The following SMAD4 variants were observed in gnomAD, a reference collection of about 807,000 sequenced individuals.
SMAD4 encodes MAD homolog 4.
Under a neutral mutation model 63.2 loss-of-function variants are expected in SMAD4, and 7 were observed. The ratio of observed to expected loss-of-function variants is 0.11; its 90% CI spans 0.06 to 0.21. The LOEUF (loss-of-function observed/expected upper bound fraction) is 0.21. Among genes scored for constraint, SMAD4 ranks in the 10% least tolerant of loss-of-function variants. The pLI, the probability that SMAD4 is intolerant of heterozygous loss-of-function variation, is 1.00. For missense variants in SMAD4, 312 were observed against 693.8 expected (o/e 0.45, Z 6.18); for synonymous variants, 215 against 235.4 (o/e 0.91, Z 0.79).
chr18:51,055,383 C>G (rs1313735807), intron 5 of SMAD4, among the ~76,000 whole-genome samples: 1 of 152,070 alleles, frequency 6.6e-6, no homozygotes, highest in Non-Finnish European at 1.5e-5. Flanking sequence ...TTTTCTGGGA[C>G]AATATTACCT....
At chr18:51,064,931 T>A (rs973615003) in intron 8 of SMAD4, among the ~76,000 whole-genome samples, 2 of 152,194 alleles carry the variant, frequency 1.3e-5, no homozygotes, top group African/African-American at 4.8e-5. Context: ...TAAAAATATG[T>A]CATGAGTCGA....
chr18:51,053,259 C>T (rs761972692), intron 4 of SMAD4: 1 of 144,214 alleles, frequency 6.9e-6, no homozygotes, highest in African/African-American at 2.9e-5. Context: ...GTCATTATAA[C>T]AACAAAAAAA....
rs1010443998 is a variant in SMAD4 at position 51,080,690 on chromosome 18, C to T, written c.*2223C>T. On this transcript the variant is annotated 3_prime_UTR_variant, in exon 12 of 12. Coordinates refer to ENST00000342988, the MANE Select transcript of SMAD4 (RefSeq NM_005359.6). ...CCTGGTAGCTAGGATTACAGGTGCC[C>T]GCCACCATGCCTGGCTAACTTTTGT... 1.4e-4 allele frequency: 25 copies of T among 174,708 alleles called. No individual in the cohort carries two copies. The highest frequency in any genetic ancestry group is 5.2e-4 in the African/African-American group (22 of 42,162). 10.8% of individuals were successfully genotyped at this position (174,708 alleles called of 1,614,324 possible). A position where few individuals can be genotyped will look rare whatever the true frequency, so the allele number is the denominator to read the frequency against.
At chr18:51,042,847 C>G (rs1468514282) in intron 1 of SMAD4, among the ~76,000 whole-genome samples, 1 of 152,102 alleles carries the variant, frequency 6.6e-6, no homozygotes, top group Non-Finnish European at 1.5e-5. Flanking sequence ...TTTCTTAGTT[C>G]AAGTTGTTTA....
chr18:51,052,936 G>A lies in SMAD4; in HGVS notation c.455-1845G>A, dbSNP rs573219902. 3.5e-4 allele frequency: 54 copies of A among 152,662 alleles called. 1 individual carries two copies. The South Asian group carries it at 0.011, about 31-fold the overall frequency. 9.5% of individuals were successfully genotyped at this position (152,662 alleles called of 1,614,324 possible). ...TTGATTCTCTTGGCAAAAATATATT[G>A]CAGACTTCTATCCTTGTTGATACCT... On this transcript the variant is annotated intron_variant, in intron 4 of 11. Transcript: ENST00000342988.
intron 10 of SMAD4, among the ~76,000 whole-genome samples, chr18:51,074,962 G>C (rs1464383410): frequency 6.6e-6 from 1 of 152,032 alleles, no homozygotes; most frequent in Non-Finnish European, 1.5e-5. Flanking sequence ...CTCCCACCTG[G>C]GCCTCCCAAA....
chr18:51,038,600 ACATAT>A (rs1909280521), intron 1 of SMAD4, among the ~76,000 whole-genome samples: 1 of 152,226 alleles, frequency 6.6e-6, no homozygotes, highest in Non-Finnish European at 1.5e-5. Flanking sequence ...AAACAAAACA[ACATAT>A]CATAGCAGAT....
intron 10 of SMAD4, among the ~76,000 whole-genome samples, chr18:51,074,238 AGGCATGGTGGCATGTGCCT>A (rs1326510476): frequency 6.6e-5 from 10 of 151,142 alleles, no homozygotes; most frequent in African/African-American, 2.4e-4. Context: ...AAAATTAGCC[AGGCATGGTGGCATGTGCCT>A]GTAGTCCTGG....
Position 51,059,851 on chromosome 18 carries a change from TTG to T in SMAD4, c.905-13_905-12del. ...TTAGTAAATAAAAATGGAATTTTTG[TTG>T]TCTTTTCTTTAGGGCCTGTTCACAA... is the stretch of plus-strand genomic sequence containing the variant. On this transcript the variant is annotated splice_polypyrimidine_tract_variant and intron_variant, in intron 7 of 11. Transcript: ENST00000342988. 1 of 1,606,066 alleles carries T rather than the reference TTG, an allele frequency of 6.2e-7. No individual in the cohort carries two copies. The highest frequency in any genetic ancestry group is 8.5e-7 in the Non-Finnish European group (1 of 1,173,596).
Position 51,079,489 on chromosome 18 carries a change from T to C in SMAD4, c.*1022T>C. The C allele has an allele frequency of 4.3e-6, 1 of 233,462 alleles. No homozygotes were observed. Among genetic ancestry groups the C allele is most frequent in the Non-Finnish European group, 8.5e-6 (1 of 117,920 alleles). 14.5% of individuals were successfully genotyped at this position (233,462 alleles called of 1,614,324 possible). A position where few individuals can be genotyped will look rare whatever the true frequency, so the allele number is the denominator to read the frequency against. On this transcript the variant is annotated 3_prime_UTR_variant, in exon 12 of 12. Coordinates refer to ENST00000342988, the MANE Select transcript of SMAD4 (RefSeq NM_005359.6). Reference sequence around the variant, plus strand: ...ACATTACAGTTCATAATAGGTAGTTTGGATATTTTTGTACTTGATTTGATG... The same window carrying C: ...ACATTACAGTTCATAATAGGTAGTTCGGATATTTTTGTACTTGATTTGATG...
rs1283790116 is a variant in SMAD4, at chr18:51,048,844, T to C, written c.408T>C (p.Val136=). 2 of 1,613,612 alleles carry C rather than the reference T, an allele frequency of 1.2e-6. No individual in the cohort carries two copies. The highest frequency in any genetic ancestry group is 2.7e-5 in the African/African-American group (2 of 74,918). ...VCVNPYHYER[V]VSPGIDLSGL... is the part of the protein sequence containing the mutation. ...TGAATCCATATCACTACGAACGAGT[T>C]GTATCACCTGGAATTGGTAAGTAGA... is the stretch of plus-strand genomic sequence containing the variant. Residue 136 remains valine, a synonymous_variant, in exon 3 of 12, where the codon GTT becomes GTC. Transcript: ENST00000342988.
chr18:51,036,258 G>A (rs1475538617), intron 1 of SMAD4, among the ~76,000 whole-genome samples: 5 of 152,134 alleles, frequency 3.3e-5, no homozygotes, highest in Non-Finnish European at 5.9e-5. Context: ...TATTTTTATA[G>A]TAAGGTATTA....
At chr18:51,049,767 T>C (rs1049757310) in intron 4 of SMAD4, among the ~76,000 whole-genome samples, 2 of 152,184 alleles carry the variant, frequency 1.3e-5, no homozygotes, top group African/African-American at 4.8e-5. Context: ...TTTTTATGAA[T>C]GATAATGTTG....
intron 1 of SMAD4, among the ~76,000 whole-genome samples, chr18:51,045,679 A>C (rs964951684): frequency 1.3e-5 from 2 of 152,220 alleles, no homozygotes; most frequent in Admixed American, 6.5e-5. Context: ...TTGAAAGTGT[A>C]CAATTCAGTG....
rs775498596 is a variant in SMAD4 at position 51,058,109 on chromosome 18, C to G, written c.668-16C>G. ...ATCTATGAATGTACCATGTTAATGT[C>G]TTCTTGTTCCTCTAGGTCAGCCTGC... On this transcript the variant is annotated splice_polypyrimidine_tract_variant and intron_variant, in intron 5 of 11. Coordinates refer to ENST00000342988, the MANE Select transcript of SMAD4 (RefSeq NM_005359.6). 1 of 1,613,844 alleles carries G rather than the reference C, an allele frequency of 6.2e-7. No individual in the cohort carries two copies. The highest frequency in any genetic ancestry group is 2.2e-5 in the East Asian group (1 of 44,888).
Position 51,044,394 on chromosome 18 carries a change from CTAT to C in SMAD4, c.-127-2518_-127-2516del, listed in dbSNP as rs942285968. Among the ~76,000 whole-genome samples the C allele has an allele frequency of 7.8e-4, 119 of 152,172 alleles. 1 individual carries two copies. The highest frequency in any genetic ancestry group is 2.8e-3 in the African/African-American group (116 of 41,522). On this transcript the variant is annotated intron_variant, in intron 1 of 11. Coordinates refer to ENST00000342988, the MANE Select transcript of SMAD4 (RefSeq NM_005359.6). ...TTTTAGGAAAAATCTTCTTGTAAAA[CTAT>C]TATTATTTTTTTGAGATAGGGTCTC...
chr18:51,046,795 A>G, intron 1 of SMAD4, 125 bp from the exon 2 acceptor site: 1 of 436,316 alleles, frequency 2.3e-6, no homozygotes. Flanking sequence ...AACTCTGAGC[A>G]TCAAATTTTA....
At chr18:51,075,496 C>CATTGCA (rs1910448888) in intron 10 of SMAD4, among the ~76,000 whole-genome samples, 1 of 152,146 alleles carries the variant, frequency 6.6e-6, no homozygotes, top group Admixed American at 6.6e-5. Flanking sequence ...AAACAGTGGA[C>CATTGCA]ATTGAGCAGC....
At chr18:51,032,916 A>AT (rs984758403) in intron 1 of SMAD4, among the ~76,000 whole-genome samples, 3 of 151,720 alleles carry the variant, frequency 2.0e-5, no homozygotes, top group South Asian at 2.1e-4. Flanking sequence ...ATGACTAACC[A>AT]TTTTTTTCAT....
Sources: gnomAD v4.1 joint callset for allele counts (sites outside exome capture counted in the v4.1 genomes callset) on GRCh38, gnomAD v4.1.1 for gene constraint, MANE v1.5 for transcripts, NCBI Gene and HGNC (gene_info 2026-07-23, HGNC 2026-07-21) for gene names.